RAB28: variants seen among roughly 807,000 people sequenced by gnomAD.
RAB28 encodes the protein ras-related protein Rab-28.
In RAB28, 24 loss-of-function variants were observed where a neutral mutation model predicts 31.7. The observed-to-expected ratio is 0.76, with a 90% CI of 0.55 to 1.06. RAB28 has a LOEUF of 1.06. RAB28 is among the 50% of genes least tolerant of loss of function. RAB28 has a pLI of 0.00. For synonymous variants in RAB28, 100 were observed against 90.4 expected, an observed-to-expected ratio of 1.11 and a Z score of -0.60; for missense variants, 254 against 258.5, an observed-to-expected ratio of 0.98 and a Z score of 0.12.
intron 4 of RAB28, among the ~76,000 whole-genome samples, chr4:13,384,627 C>G (rs115655056): frequency 0.014 from 2,103 of 152,204 alleles, 24 homozygotes; most frequent in Middle Eastern, 0.044. Context: ...CTAAAATCTT[C>G]CAGAAATGAA....
intron 6 of RAB28, chr4:13,370,370 T>C: frequency 4.3e-6 from 4 of 930,672 alleles, no homozygotes; most frequent in Non-Finnish European, 5.1e-6. Flanking sequence ...ATTAATTCCA[T>C]TTCCATTAAC....
intron 4 of RAB28, among the ~76,000 whole-genome samples, chr4:13,448,349 T>C (rs73819870): frequency 0.056 from 8,531 of 152,158 alleles, 545 homozygotes; most frequent in African/African-American, 0.16. Flanking sequence ...ATTATGCTTT[T>C]ATTAGCATTT....
chr4:13,476,732 T>A (rs1716379806), intron 2 of RAB28, among the ~76,000 whole-genome samples: 1 of 151,564 alleles, frequency 6.6e-6, no homozygotes, highest in Non-Finnish European at 1.5e-5. Flanking sequence ...AATAATATTA[T>A]AATTTTGTTT....
intron 4 of RAB28, among the ~76,000 whole-genome samples, chr4:13,394,078 C>T (rs766219056): frequency 3.9e-5 from 6 of 152,082 alleles, no homozygotes; most frequent in Middle Eastern, 3.4e-3. Context: ...CTACAATTAT[C>T]ATAATCTGAA....
chr4:13,483,697 G>A (rs1028056988), intron 1 of RAB28, among the ~76,000 whole-genome samples: 4 of 152,188 alleles, frequency 2.6e-5, no homozygotes, highest in African/African-American at 9.6e-5. Flanking sequence ...TGCAGTAGAA[G>A]CATCAGAAAC....
intron 4 of RAB28, among the ~76,000 whole-genome samples, chr4:13,421,121 A>G (rs1427183045): frequency 2.0e-5 from 3 of 152,242 alleles, no homozygotes; most frequent in African/African-American, 7.2e-5. Context: ...ACAGACAAAC[A>G]GAGAGCCAAA....
intron 4 of RAB28, among the ~76,000 whole-genome samples, chr4:13,426,098 CTT>C (rs1713467981): frequency 6.6e-6 from 1 of 152,112 alleles, no homozygotes; most frequent in Non-Finnish European, 1.5e-5. Context: ...GAGATTTAAA[CTT>C]GAGATAATAT....
chr4:13,482,831 G>A (rs907567544), intron 1 of RAB28, among the ~76,000 whole-genome samples: 6 of 152,100 alleles, frequency 3.9e-5, no homozygotes, highest in Non-Finnish European at 5.9e-5. Flanking sequence ...ATCTTTCCCA[G>A]GTGACCTCGA....
At chr4:13,477,589 C>A (rs2108975384) in intron 2 of RAB28, among the ~76,000 whole-genome samples, 1 of 150,882 alleles carries the variant, frequency 6.6e-6, no homozygotes, top group East Asian at 1.9e-4. Context: ...AATATTTTTT[C>A]TTATTGAAAT....
chr4:13,404,490 C>G (rs1316517923), intron 4 of RAB28, among the ~76,000 whole-genome samples: 2 of 152,100 alleles, frequency 1.3e-5, no homozygotes, highest in African/African-American at 2.4e-5. Context: ...ATTCCTCAAT[C>G]TAAAATTAAA....
chr4:13,393,279 G>C lies in RAB28; in HGVS notation c.392-11685C>G, dbSNP rs74377815. ...AAGAGGAGAAAAAATCAGTCAGATA[G>C]CCTTAAGGATAGAGAGGATGTACAT... On this transcript the variant is annotated intron_variant, in intron 4 of 6. Transcript: ENST00000330852. Among the ~76,000 whole-genome samples, 846 of 152,288 alleles carry C rather than the reference G, an allele frequency of 5.6e-3. 6 individuals are homozygous for C. The highest frequency in any genetic ancestry group is 0.019 in the African/African-American group (804 of 41,558).
chr4:13,446,089 G>C (rs1204035298), intron 4 of RAB28, among the ~76,000 whole-genome samples: 3 of 152,190 alleles, frequency 2.0e-5, no homozygotes, highest in Admixed American at 2.0e-4. Context: ...GGAATTAAGA[G>C]AAGCAGTCTG....
intron 4 of RAB28, among the ~76,000 whole-genome samples, chr4:13,459,288 T>G (rs924271024): frequency 1.3e-5 from 2 of 152,146 alleles, no homozygotes; most frequent in Non-Finnish European, 2.9e-5. Flanking sequence ...CACTTCAACT[T>G]GCAGATGGCC....
intron 4 of RAB28, among the ~76,000 whole-genome samples, chr4:13,402,855 C>T (rs1044516426): frequency 2.0e-5 from 3 of 152,066 alleles, no homozygotes; most frequent in East Asian, 1.9e-4. Flanking sequence ...AGTACAATGG[C>T]GTGATCACGG....
intron 4 of RAB28, among the ~76,000 whole-genome samples, chr4:13,424,083 T>C (rs1448307167): frequency 6.6e-6 from 1 of 152,230 alleles, no homozygotes; most frequent in Non-Finnish European, 1.5e-5. Context: ...AGCTTACTAT[T>C]ATGTAAAGTG....
In RAB28 at chr4:13,391,194, TA is replaced by T. The variant is rs554426602; in HGVS notation, c.392-9601del. Among the ~76,000 whole-genome samples, 176 of 152,032 alleles carry T rather than the reference TA, an allele frequency of 1.2e-3. 2 individuals carry two copies. Among genetic ancestry groups the T allele is most frequent in the African/African-American group, 4.1e-3 (168 of 41,460 alleles). ...TAATATCCAGAATCTACAAAGAACTTAAACAAATTTACAAGAAAAAAACAAA... is the reference window on the plus strand; with the variant it reads ...TAATATCCAGAATCTACAAAGAACTTAACAAATTTACAAGAAAAAAACAAA... On this transcript the variant is annotated intron_variant, in intron 4 of 6. Transcript: ENST00000330852.
intron 4 of RAB28, among the ~76,000 whole-genome samples, chr4:13,452,381 C>T (rs1715018073): frequency 6.6e-6 from 1 of 151,866 alleles, no homozygotes; most frequent in African/African-American, 2.4e-5. Context: ...TGAAATCCTT[C>T]CAGCTTTTTG....
intron 4 of RAB28, among the ~76,000 whole-genome samples, chr4:13,381,954 G>T (rs1015090932): frequency 6.6e-6 from 1 of 152,096 alleles, no homozygotes; most frequent in Non-Finnish European, 1.5e-5. Flanking sequence ...TTTAAACATG[G>T]TGATTAATTG....
At chr4:13,396,334 T>C (rs1729872169) in intron 4 of RAB28, among the ~76,000 whole-genome samples, 1 of 151,988 alleles carries the variant, frequency 6.6e-6, no homozygotes, top group Non-Finnish European at 1.5e-5. Context: ...CAAAATAAAC[T>C]GTTTATGCCC....
Sources: gnomAD v4.1 joint callset for allele counts (sites outside exome capture counted in the v4.1 genomes callset) on GRCh38, gnomAD v4.1.1 for gene constraint, MANE v1.5 for transcripts, NCBI Gene and HGNC (gene_info 2026-07-23, HGNC 2026-07-21) for gene names.